DDAH1: variants seen among roughly 807,000 people sequenced by gnomAD.
DDAH1 encodes the protein N(G),N(G)-dimethylarginine dimethylaminohydrolase 1.
Under a neutral mutation model 28.8 loss-of-function variants are expected in DDAH1, and 19 were observed. That is an observed-to-expected ratio of 0.66 (90% CI 0.46 to 0.97). The LOEUF (loss-of-function observed/expected upper bound fraction) is 0.97. Ranked by LOEUF, DDAH1 falls within the 50% of genes least tolerant of loss-of-function variation. The pLI is 0.00. For synonymous variants in DDAH1, 153 were observed against 154.4 expected, an observed-to-expected ratio of 0.99 and a Z score of 0.07; for missense variants, 326 against 375.9, an observed-to-expected ratio of 0.87 and a Z score of 1.10.
At chr1:85,383,542 A>C (rs1434150909) in intron 1 of DDAH1, among the ~76,000 whole-genome samples, 2 of 152,262 alleles carry the variant, frequency 1.3e-5, no homozygotes, top group Non-Finnish European at 2.9e-5. Flanking sequence ...GTTGATTGAC[A>C]GAGCAATGGT....
chr1:85,523,169 A>T (rs1204676644), intron 1 of DDAH1, among the ~76,000 whole-genome samples: 1 of 152,166 alleles, frequency 6.6e-6, no homozygotes, highest in Non-Finnish European at 1.5e-5. Context: ...GAGGGTAGGA[A>T]AGTGGAAAAT....
At chr1:85,560,871 T>C (rs544099332) in intron 1 of DDAH1, among the ~76,000 whole-genome samples, 31 of 152,224 alleles carry the variant, frequency 2.0e-4, no homozygotes, top group African/African-American at 6.7e-4. Flanking sequence ...TTAAGGTTTT[T>C]TTTCCTATTG....
rs17127897 is a variant in DDAH1 at position 85,560,991 on chromosome 1, T to G, written c.-123+16993A>C. On this transcript the variant is annotated intron_variant, in intron 1 of 6. Coordinates refer to the DDAH1 transcript ENST00000426972. ...TTTGTGTAATAAAATCTATATTATGTTATTCTACATCATTAAATATTTGTT... is the reference window on the plus strand; with the variant it reads ...TTTGTGTAATAAAATCTATATTATGGTATTCTACATCATTAAATATTTGTT... Among the ~76,000 whole-genome samples, 189 of 152,270 alleles carry G rather than the reference T, an allele frequency of 1.2e-3. 5 individuals are homozygous for G. The East Asian group carries it at 0.016, about 13-fold the overall frequency.
chr1:85,543,182 C>T lies in DDAH1; in HGVS notation c.-123+34802G>A, dbSNP rs966532689. Among the ~76,000 whole-genome samples, 9 of 152,154 alleles carry T rather than the reference C, an allele frequency of 5.9e-5. No homozygotes were observed. In the East Asian group the frequency reaches 1.7e-3, roughly 29 times the overall value. On this transcript the variant is annotated intron_variant, in intron 1 of 6. Coordinates refer to the DDAH1 transcript ENST00000426972. Reference sequence around the variant, plus strand: ...TAACAAAAGACAAAAATGATTCAACCCTTCCATTGGTTTCTATTTCCTCTC... The same window carrying T: ...TAACAAAAGACAAAAATGATTCAACTCTTCCATTGGTTTCTATTTCCTCTC...
chr1:85,517,485 G>A (rs1657513084), intron 1 of DDAH1, among the ~76,000 whole-genome samples: 1 of 151,428 alleles, frequency 6.6e-6, no homozygotes, highest in East Asian at 1.9e-4. Context: ...ACAAAGGAAA[G>A]AGCATGGGAA....
At chr1:85,554,852 C>A (rs1010249661) in intron 1 of DDAH1, among the ~76,000 whole-genome samples, 3 of 152,194 alleles carry the variant, frequency 2.0e-5, no homozygotes, top group African/African-American at 7.2e-5. Flanking sequence ...GACACCTTTG[C>A]CTGCACAGGC....
In DDAH1 at chr1:85,433,101, T is replaced by TATAC. The variant is rs774367852; in HGVS notation, c.303+31638_303+31641dup. ...ATATATGCATACGTACATGCATACA[T>TATAC]ATACATACATACATACATATATAAT... On this transcript the variant is annotated intron_variant, in intron 1 of 5. Transcript: ENST00000284031. 1.1e-3 allele frequency among the ~76,000 whole-genome samples: 164 copies of TATAC among 152,246 alleles called. 1 individual carries two copies. The highest frequency in any genetic ancestry group is 3.5e-3 in the African/African-American group (144 of 41,536).
chr1:85,413,783 TTA>T (rs1652764147), intron 1 of DDAH1, among the ~76,000 whole-genome samples: 1 of 152,196 alleles, frequency 6.6e-6, no homozygotes, highest in Non-Finnish European at 1.5e-5. Flanking sequence ...AGTAAAGAAA[TTA>T]TAGAGTTCAT....
chr1:85,402,271 G>T (rs903705419), intron 1 of DDAH1, among the ~76,000 whole-genome samples: 1 of 150,866 alleles, frequency 6.6e-6, no homozygotes, highest in African/African-American at 2.4e-5. Context: ...AAAGTGCTGG[G>T]ATTACAGGTG....
At chr1:85,399,819 T>C (rs1651984863) in intron 1 of DDAH1, 1 of 152,214 alleles carries the variant, frequency 6.6e-6, no homozygotes, top group African/African-American at 2.4e-5. Context: ...ATCAATCTGT[T>C]TTTTGTTCTT....
At chr1:85,537,469 G>GA (rs796994701) in intron 1 of DDAH1, among the ~76,000 whole-genome samples, 23,680 of 125,670 alleles carry the variant, frequency 0.19, 2,482 homozygotes, top group Non-Finnish European at 0.23. Context: ...TGTGGAATCT[G>GA]AAAAAAAAAA....
chr1:85,441,795 T>A (rs944695244), intron 1 of DDAH1, among the ~76,000 whole-genome samples: 11 of 152,216 alleles, frequency 7.2e-5, no homozygotes, highest in African/African-American at 2.7e-4. Flanking sequence ...ATGTTTGCCA[T>A]ACAGCAGGAT....
chr1:85,420,266 C>A (rs1653080685), intron 1 of DDAH1, among the ~76,000 whole-genome samples: 1 of 152,218 alleles, frequency 6.6e-6, no homozygotes, highest in Non-Finnish European at 1.5e-5. Flanking sequence ...TGGCTACCAG[C>A]ACTTGCCTTA....
intron 1 of DDAH1, among the ~76,000 whole-genome samples, chr1:85,549,405 G>C (rs1446624261): frequency 6.6e-6 from 1 of 152,164 alleles, no homozygotes; most frequent in Admixed American, 6.6e-5. Flanking sequence ...CTGGAAAGAG[G>C]CCTGGGATTT....
chr1:85,534,039 G>A (rs1386460073), intron 1 of DDAH1, among the ~76,000 whole-genome samples: 2 of 152,192 alleles, frequency 1.3e-5, no homozygotes, highest in Non-Finnish European at 2.9e-5. Context: ...TATTGAATGA[G>A]TGAATGAATC....
intron 1 of DDAH1, among the ~76,000 whole-genome samples, chr1:85,564,674 C>T (rs1198955692): frequency 6.6e-6 from 1 of 151,784 alleles, no homozygotes; most frequent in African/African-American, 2.4e-5. Flanking sequence ...TCGAAACCAG[C>T]CTGGTCAACA....
At chr1:85,327,233 A>T (rs899237557) in intron 4 of DDAH1, among the ~76,000 whole-genome samples, 3 of 152,170 alleles carry the variant, frequency 2.0e-5, no homozygotes, top group African/African-American at 7.2e-5. Context: ...CCTCCTCAGG[A>T]GGCTGAGGTG....
At chr1:85,344,318 ATG>A (rs1417557430) in intron 4 of DDAH1, among the ~76,000 whole-genome samples, 4 of 151,848 alleles carry the variant, frequency 2.6e-5, no homozygotes, top group African/African-American at 9.7e-5. Context: ...ATATACACAA[ATG>A]TAATATATGA....
At chr1:85,494,073 TC>T (rs1428352208) in intron 2 of DDAH1, 1 of 152,180 alleles carries the variant, frequency 6.6e-6, no homozygotes, top group Non-Finnish European at 1.5e-5. Flanking sequence ...AGCAGTTTTT[TC>T]CCCCTTCTGA....
Sources: gnomAD v4.1 joint callset for allele counts (sites outside exome capture counted in the v4.1 genomes callset) on GRCh38, gnomAD v4.1.1 for gene constraint, MANE v1.5 for transcripts, NCBI Gene and HGNC (gene_info 2026-07-23, HGNC 2026-07-21) for gene names.